The following COMMD2 variants were observed in gnomAD, a reference collection of about 807,000 sequenced individuals.
COMMD2 encodes the protein COMM domain-containing protein 2.
Under a neutral mutation model 22.5 loss-of-function variants are expected in COMMD2, and 25 were observed. The ratio of observed to expected loss-of-function variants is 1.11; its 90% CI spans 0.81 to 1.55. The LOEUF (loss-of-function observed/expected upper bound fraction) is 1.55, where lower values mean the gene tolerates loss of function less well. Ranked by LOEUF, COMMD2 falls within the 40% of genes most tolerant of loss-of-function variation. The pLI, the probability that COMMD2 is intolerant of heterozygous loss-of-function variation, is 0.00. For synonymous variants in COMMD2, 98 were observed against 91.2 expected, an observed-to-expected ratio of 1.07 and a Z score of -0.42; for missense variants, 223 against 232.9, an observed-to-expected ratio of 0.96 and a Z score of 0.28.
intron 4 of COMMD2, among the ~76,000 whole-genome samples, chr3:149,747,657 C>G (rs1264327397): frequency 6.6e-6 from 1 of 152,148 alleles, no homozygotes; most frequent in African/African-American, 2.4e-5. Context: ...TTAGTATAGG[C>G]TGGGCGTGCT....
At chr3:149,750,192 TC>T (rs1052142674) in intron 4 of COMMD2, 1 of 178,272 alleles carries the variant, frequency 5.6e-6, no homozygotes, top group African/African-American at 2.4e-5. Context: ...ACTGAGTCAT[TC>T]CATATATACA....
Position 149,739,617 on chromosome 3 carries a change from T to C in COMMD2, c.*1904A>G, listed in dbSNP as rs544036082. ...GTTTCATCTTGGCTGGGATCAGCCATGTTTACCTTCCATCGAAGGTGGACA... is the reference window on the plus strand; with the variant it reads ...GTTTCATCTTGGCTGGGATCAGCCACGTTTACCTTCCATCGAAGGTGGACA... On this transcript the variant is annotated 3_prime_UTR_variant, in exon 5 of 5. Coordinates refer to ENST00000473414, the MANE Select transcript of COMMD2 (RefSeq NM_016094.4). 6.6e-6 allele frequency: 1 copy of C among 152,238 alleles called. No homozygotes were observed. The highest frequency in any genetic ancestry group is 2.1e-4 in the South Asian group (1 of 4,834). The allele number at this position is 152,238 out of a possible 1,614,324, so 9.4% of individuals were successfully genotyped here. A position where few individuals can be genotyped will look rare whatever the true frequency, so the allele number is the denominator to read the frequency against.
chr3:149,746,217 A>T (rs1716360440), intron 4 of COMMD2, among the ~76,000 whole-genome samples: 1 of 152,144 alleles, frequency 6.6e-6, no homozygotes, highest in Non-Finnish European at 1.5e-5. Flanking sequence ...TTGGTGTGAA[A>T]TTTCCTACTT....
chr3:149,746,321 A>G (rs967706599), intron 4 of COMMD2, among the ~76,000 whole-genome samples: 7 of 152,156 alleles, frequency 4.6e-5, no homozygotes, highest in Non-Finnish European at 1.5e-5. Flanking sequence ...CAAGGAGAGG[A>G]GTCAAGGAAG....
At chr3:149,745,259 G>A (rs1230948884) in intron 4 of COMMD2, among the ~76,000 whole-genome samples, 1 of 152,120 alleles carries the variant, frequency 6.6e-6, no homozygotes, top group Non-Finnish European at 1.5e-5. Context: ...TTTGTTCTTT[G>A]CCGTATCTAC....
chr3:149,743,594 A>C (rs1716292707), intron 4 of COMMD2, among the ~76,000 whole-genome samples: 2 of 152,206 alleles, frequency 1.3e-5, no homozygotes. Context: ...CCAAGGCTGA[A>C]ATTTAATGTC....
intron 4 of COMMD2, among the ~76,000 whole-genome samples, chr3:149,744,131 C>G (rs1379452126): frequency 2.6e-5 from 4 of 151,916 alleles, no homozygotes; most frequent in African/African-American, 9.7e-5. Context: ...ATTCTGTCCT[C>G]CTCCCTGTAA....
At position 149,741,646 on chromosome 3, in the gene COMMD2, C is replaced by G; in HGVS notation, c.475G>C (p.Asp159His). ...GTCTGCAGAACTTTGGTGTTGTGAT[C>G]TCCATTTTGATTAAGGTGTAGCTTT... ...TIKLHLNQNG[D>H]HNTKVLQTDP... Residue 159 changes from aspartate to histidine, a missense_variant, in exon 5 of 5, where the codon GAT (aspartate) becomes CAT (histidine). Transcript: ENST00000473414. The G allele has an allele frequency of 6.2e-7, 1 of 1,613,920 alleles. No homozygotes were observed. Among genetic ancestry groups the G allele is most frequent in the Non-Finnish European group, 8.5e-7 (1 of 1,179,960 alleles).
rs1716565172 is a variant in COMMD2 at position 149,752,477 on chromosome 3, C to G, written c.-33G>C. On this transcript the variant is annotated 5_prime_UTR_variant, in exon 1 of 5. Coordinates refer to ENST00000473414, the MANE Select transcript of COMMD2 (RefSeq NM_016094.4). ...GTCCTACGATTTCACCCGGCAGCGCCGACCCCGCCTTCGCCACTTCCGGCG... is the reference window on the plus strand; with the variant it reads ...GTCCTACGATTTCACCCGGCAGCGCGGACCCCGCCTTCGCCACTTCCGGCG... 5 of 1,591,400 alleles carry G rather than the reference C, an allele frequency of 3.1e-6. No homozygotes were observed. The highest frequency in any genetic ancestry group is 3.4e-6 in the Non-Finnish European group (4 of 1,166,378).
chr3:149,752,418 A>G lies in COMMD2; in HGVS notation c.27T>C (p.His9=), dbSNP rs1716559893. Residue 9 remains histidine, a synonymous_variant, in exon 1 of 5, where the codon CAT becomes CAC. Coordinates refer to ENST00000473414, the MANE Select transcript of COMMD2 (RefSeq NM_016094.4). ...GAGGCAGGAAGGCCAGGTGTTCCTT[A>G]TGCTCCTCGGACAATTCCAGCAGCA... MLLELSEE[H]KEHLAFLPQV... 10 of 1,614,026 alleles carry G rather than the reference A, an allele frequency of 6.2e-6. No individual in the cohort carries two copies. Among genetic ancestry groups the G allele is most frequent in the Non-Finnish European group, 8.5e-6 (10 of 1,179,956 alleles).
chr3:149,746,808 A>T (rs1716384670), intron 4 of COMMD2, among the ~76,000 whole-genome samples: 1 of 152,098 alleles, frequency 6.6e-6, no homozygotes, highest in African/African-American at 2.4e-5. Context: ...AAAGAAAGAA[A>T]AGAAGTTTAA....
rs900704938 is a variant in COMMD2 at position 149,740,390 on chromosome 3, T to C, written c.*1131A>G. On this transcript the variant is annotated 3_prime_UTR_variant, in exon 5 of 5. Coordinates refer to ENST00000473414, the MANE Select transcript of COMMD2 (RefSeq NM_016094.4). ...TTCAAATTATAAAAAGTGACTATAA[T>C]TTGTATCCAGGACAATCAAGAATTG... 1.3e-5 allele frequency: 2 copies of C among 152,266 alleles called. No individual in the cohort carries two copies. The highest frequency in any genetic ancestry group is 2.9e-5 in the Non-Finnish European group (2 of 68,046). 9.4% of individuals were successfully genotyped at this position (152,266 alleles called of 1,614,324 possible). A position where few individuals can be genotyped will look rare whatever the true frequency, so the allele number is the denominator to read the frequency against.
At chr3:149,748,367 G>A (rs1716434089) in intron 4 of COMMD2, among the ~76,000 whole-genome samples, 1 of 152,196 alleles carries the variant, frequency 6.6e-6, no homozygotes, top group South Asian at 2.1e-4. Flanking sequence ...GCATAGAGAT[G>A]TTGAGGCTTT....
At chr3:149,748,892 A>G (rs1716447466) in intron 4 of COMMD2, among the ~76,000 whole-genome samples, 1 of 152,260 alleles carries the variant, frequency 6.6e-6, no homozygotes, top group Non-Finnish European at 1.5e-5. Context: ...CGCATTTCAC[A>G]TAGAGGAAAA....
intron 4 of COMMD2, among the ~76,000 whole-genome samples, chr3:149,743,961 T>C (rs73005748): frequency 0.084 from 12,715 of 152,206 alleles, 698 homozygotes; most frequent in African/African-American, 0.15. Context: ...CAAATATCTA[T>C]ACTATTCTTT....
chr3:149,740,850 T>C lies in COMMD2; in HGVS notation c.*671A>G. 6.5e-6 allele frequency: 1 copy of C among 152,688 alleles called. No homozygotes were observed. The highest frequency in any genetic ancestry group is 2.4e-5 in the African/African-American group (1 of 41,562). The allele number at this position is 152,688 out of a possible 1,614,324, so 9.5% of individuals were successfully genotyped here. ...AGCAAAAACAAGATAGTCATTCATA[T>C]ATACAGAACATATAGATTCATTTCT... On this transcript the variant is annotated 3_prime_UTR_variant, in exon 5 of 5. Coordinates refer to ENST00000473414, the MANE Select transcript of COMMD2 (RefSeq NM_016094.4).
Position 149,750,688 on chromosome 3 carries a change from A to C in COMMD2, c.392T>G (p.Leu131Arg), listed in dbSNP as rs769690728. 23 of 1,571,742 alleles carry C rather than the reference A, an allele frequency of 1.5e-5. No individual in the cohort carries two copies. The highest frequency in any genetic ancestry group is 1.9e-5 in the Non-Finnish European group (22 of 1,158,366). Residue 131 changes from leucine to arginine, a missense_variant, in exon 4 of 5, where the codon CTA (leucine) becomes CGA (arginine). Coordinates refer to ENST00000473414, the MANE Select transcript of COMMD2 (RefSeq NM_016094.4). ...TTAAAAATGCTATACCTGTACATCT[A>C]GTCGCCATTCAAGGTTATGATAACT... ...LPSYHNLEWR[L>R]DVQLASRSLR...
chr3:149,746,567 C>A (rs1162494336), intron 4 of COMMD2, among the ~76,000 whole-genome samples: 3 of 150,078 alleles, frequency 2.0e-5, no homozygotes, highest in African/African-American at 7.4e-5. Flanking sequence ...ATCAGGAGAT[C>A]GAGACCATTC....
At chr3:149,746,590 T>C (rs982797749) in intron 4 of COMMD2, among the ~76,000 whole-genome samples, 5 of 146,120 alleles carry the variant, frequency 3.4e-5, no homozygotes, top group Non-Finnish European at 7.5e-5. Context: ...GCTAACAGGG[T>C]GAAACCCTGT....
Sources: gnomAD v4.1 joint callset for allele counts (sites outside exome capture counted in the v4.1 genomes callset) on GRCh38, gnomAD v4.1.1 for gene constraint, MANE v1.5 for transcripts, NCBI Gene and HGNC (gene_info 2026-07-23, HGNC 2026-07-21) for gene names.